The following SUN1 variants were observed in gnomAD, a reference collection of about 807,000 sequenced individuals.
The protein encoded by SUN1 is Sad1 and UNC84 domain containing 1.
A neutral mutation model predicts 103.2 loss-of-function variants in SUN1; 61 were observed. That is an observed-to-expected ratio of 0.59 (90% CI 0.48 to 0.73). The LOEUF (loss-of-function observed/expected upper bound fraction) is 0.73. SUN1 is among the 30% of genes least tolerant of loss of function. SUN1 has a pLI of 0.00. For missense variants in SUN1, 1,052 were observed against 1,034.6 expected, an observed-to-expected ratio of 1.02 and a Z score of -0.23; for synonymous variants, 490 against 425.7, an observed-to-expected ratio of 1.15 and a Z score of -1.86.
intron 17 of SUN1, among the ~76,000 whole-genome samples, chr7:872,269 G>A (rs768123296): frequency 2.0e-5 from 3 of 152,104 alleles, no homozygotes; most frequent in South Asian, 2.1e-4. Context: ...AGGACATGTC[G>A]TGGGTTACAT....
At chr7:830,272 A>C (rs890472440), upstream of SUN1, among the ~76,000 whole-genome samples, 1 of 152,124 alleles carries the variant, frequency 6.6e-6, no homozygotes, top group East Asian at 1.9e-4. Context: ...GCTGCCTCGC[A>C]AGGTTCTGCT....
intron 1 of SUN1, chr7:817,409 T>C (rs948020894): frequency 6.5e-6 from 10 of 1,535,568 alleles, no homozygotes; most frequent in Non-Finnish European, 7.0e-6. Flanking sequence ...GAATGGTGTC[T>C]GGTGCAAAAT....
In SUN1 at chr7:873,542, C is replaced by A. The variant is rs1283407435; in HGVS notation, c.*211C>A. The A allele has an allele frequency of 7.6e-6, 4 of 527,336 alleles. No homozygotes were observed. Among genetic ancestry groups the A allele is most frequent in the Admixed American group, 3.5e-5 (1 of 28,666 alleles). The allele number at this position is 527,336 out of a possible 1,614,324, so 32.7% of individuals were successfully genotyped here. On this transcript the variant is annotated 3_prime_UTR_variant, in exon 19 of 19. Coordinates refer to ENST00000401592, the MANE Select transcript of SUN1 (RefSeq NM_001130965.3). The stretch of plus-strand genomic sequence containing the variant: ...GCCTCTGCAGGTGCAGAGGGGTCAG[C>A]AGCAGGAGAAGCGTGTTGAACACGT...
At chr7:833,494 A>G (rs920988096) in intron 1 of SUN1, among the ~76,000 whole-genome samples, 2 of 152,018 alleles carry the variant, frequency 1.3e-5, no homozygotes, top group Admixed American at 6.6e-5. Flanking sequence ...TATTTTTAAT[A>G]GAGATGGGGT....
intron 16 of SUN1, among the ~76,000 whole-genome samples, chr7:867,748 A>G (rs1167608288): frequency 6.6e-6 from 1 of 152,230 alleles, no homozygotes; most frequent in Non-Finnish European, 1.5e-5. Context: ...ATAAGGGACC[A>G]GCTCCCACCC....
chr7:830,733 G>A (rs143785559), upstream of SUN1, among the ~76,000 whole-genome samples: 635 of 152,320 alleles, frequency 4.2e-3, 2 homozygotes, highest in Middle Eastern at 0.01. Context: ...GATGTCCATA[G>A]AACTACTGAG....
chr7:857,137 G>A (rs530558690), intron 12 of SUN1, among the ~76,000 whole-genome samples: 68 of 152,198 alleles, frequency 4.5e-4, no homozygotes, highest in African/African-American at 1.6e-3. Flanking sequence ...CACGCAGCTC[G>A]TATTCCCCAC....
chr7:872,863 C>T (rs562825745), intron 18 of SUN1, among the ~76,000 whole-genome samples: 99 of 152,046 alleles, frequency 6.5e-4, no homozygotes, highest in African/African-American at 2.1e-3. Flanking sequence ...CCGAGGCAGG[C>T]GGATCACGAG....
intron 1 of SUN1, among the ~76,000 whole-genome samples, chr7:818,868 C>A (rs569808035): frequency 7.9e-6 from 1 of 127,334 alleles, no homozygotes; most frequent in Admixed American, 7.9e-5. Flanking sequence ...TCCCCTCCCC[C>A]CCTTTTTTTT....
chr7:838,407 C>G (rs550964288), intron 1 of SUN1, among the ~76,000 whole-genome samples: 2 of 152,166 alleles, frequency 1.3e-5, no homozygotes, highest in African/African-American at 4.8e-5. Flanking sequence ...CTACGGCGCA[C>G]TGGTGTATTG....
Position 838,868 on chromosome 7 carries a change from C to A in SUN1, c.148C>A (p.Arg50=). The change falls in exon 2 of 19, where the codon CGG becomes AGG. Residue 50 remains arginine, a synonymous_variant. Coordinates refer to ENST00000401592, the MANE Select transcript of SUN1 (RefSeq NM_001130965.3). ...HKLDPVFDSP[R]MSRRSLRLAT... ...ATTGGACCCTGTATTTGATTCTCCA[C>A]GGATGTCCCGCCGTAGTTTGCGCCT... The A allele has an allele frequency of 1.9e-6, 3 of 1,597,468 alleles. No homozygotes were observed. The highest frequency in any genetic ancestry group is 2.6e-6 in the Non-Finnish European group (3 of 1,172,144).
chr7:831,461 G>A (rs567259779), upstream of SUN1, among the ~76,000 whole-genome samples: 12 of 152,076 alleles, frequency 7.9e-5, no homozygotes, highest in South Asian at 4.2e-4. Flanking sequence ...TAGTAGAGAC[G>A]GGGTTTCACC....
chr7:852,341 C>T (rs530839254), intron 7 of SUN1: 10 of 600,028 alleles, frequency 1.7e-5, no homozygotes, highest in Admixed American at 1.5e-4. Context: ...CATCAGTCAC[C>T]TCAGAAGGCT....
At chr7:837,719 G>C (rs1804810970) in intron 1 of SUN1, among the ~76,000 whole-genome samples, 2 of 152,202 alleles carry the variant, frequency 1.3e-5, no homozygotes, top group African/African-American at 4.8e-5. Context: ...TGATTCCTGG[G>C]ATGGTGCTGG....
intron 2 of SUN1, chr7:841,743 A>G (rs1412697585): frequency 3.5e-6 from 2 of 573,506 alleles, no homozygotes; most frequent in East Asian, 3.1e-5. Context: ...TGTGTTTACA[A>G]TTTTAGAGGG....
intron 15 of SUN1, among the ~76,000 whole-genome samples, chr7:863,660 C>A (rs556080614): frequency 2.0e-5 from 3 of 152,210 alleles, no homozygotes; most frequent in African/African-American, 7.2e-5. Flanking sequence ...ATCCTCACAG[C>A]CCCAGCCTTT....
chr7:860,041 C>T, intron 13 of SUN1, 87 bp from the exon 14 acceptor site: 1 of 1,496,234 alleles, frequency 6.7e-7, no homozygotes, highest in Non-Finnish European at 9.0e-7. Context: ...ATATATAATT[C>T]TTCTGAGGTA....
chr7:870,891 T>C (rs1241575152), intron 17 of SUN1, among the ~76,000 whole-genome samples: 14 of 113,274 alleles, frequency 1.2e-4, no homozygotes, highest in Non-Finnish European at 2.6e-4. Flanking sequence ...TTCTTTCTTT[T>C]TTTTTTTTTT....
In SUN1 at chr7:873,496, G is replaced by A. The variant is rs538796883; in HGVS notation, c.*165G>A. On this transcript the variant is annotated 3_prime_UTR_variant, in exon 19 of 19. Transcript: ENST00000401592. ...GTGAGCGTGTGACGGGCGCCTTGGCGCCACCTGTTGGGTGCTCACTGCCTC... is the reference window on the plus strand; with the variant it reads ...GTGAGCGTGTGACGGGCGCCTTGGCACCACCTGTTGGGTGCTCACTGCCTC... The A allele has an allele frequency of 1.9e-5, 13 of 682,226 alleles. No individual in the cohort carries two copies. The highest frequency in any genetic ancestry group is 3.0e-5 in the Non-Finnish European group (12 of 406,020). The allele number at this position is 682,226 out of a possible 1,614,324, so 42.3% of individuals were successfully genotyped here.
Sources: allele counts gnomAD v4.1 joint callset (sites outside exome capture counted in the v4.1 genomes callset), GRCh38; gene constraint gnomAD v4.1.1; transcripts MANE v1.5; gene names NCBI Gene and HGNC (gene_info 2026-07-23, HGNC 2026-07-21).